Variants in HCN1 observed in about 807,000 individuals in gnomAD.
HCN1 encodes potassium/sodium hyperpolarization-activated cyclic nucleotide-gated channel 1.
HCN1 carries 13 observed loss-of-function variants against 78.9 expected under a neutral mutation model. The ratio of observed to expected loss-of-function variants is 0.16; its 90% CI spans 0.11 to 0.26. The LOEUF is 0.26. Among genes scored for constraint, HCN1 ranks in the 10% least tolerant of loss-of-function variants. The pLI is 1.00. For synonymous variants in HCN1, 552 were observed against 455.5 expected, an observed-to-expected ratio of 1.21 and a Z score of -2.70; for missense variants, 810 against 1,154.3, an observed-to-expected ratio of 0.70 and a Z score of 4.32.
intron 4 of HCN1, among the ~76,000 whole-genome samples, chr5:45,372,036 A>ATATATATTATATATATAATATAATTATAT (rs1747385001): frequency 1.8e-5 from 1 of 57,122 alleles, no homozygotes; most frequent in Non-Finnish European, 2.7e-5. Context: ...ATATAATTAT[A>ATATATATTATATATATAATATAATTATAT]TATATATTAT....
intron 2 of HCN1, among the ~76,000 whole-genome samples, chr5:45,582,454 T>A (rs1250341601): frequency 6.6e-6 from 1 of 152,184 alleles, no homozygotes; most frequent in Non-Finnish European, 1.5e-5. Context: ...TATACAATCA[T>A]GTCATCTGCA....
intron 3 of HCN1, among the ~76,000 whole-genome samples, chr5:45,441,854 G>A (rs750780534): frequency 2.6e-5 from 4 of 152,118 alleles, no homozygotes; most frequent in Non-Finnish European, 5.9e-5. Flanking sequence ...AATTGAAGAA[G>A]ACAGGAGACA....
chr5:45,300,840 T>C (rs1028143639), intron 6 of HCN1, among the ~76,000 whole-genome samples: 2 of 152,140 alleles, frequency 1.3e-5, no homozygotes, highest in Admixed American at 6.6e-5. Context: ...GTTAGATTCA[T>C]AGCTTTTCCT....
chr5:45,657,729 T>G (rs983652132), intron 1 of HCN1, among the ~76,000 whole-genome samples: 2 of 151,976 alleles, frequency 1.3e-5, no homozygotes, highest in South Asian at 2.1e-4. Flanking sequence ...CACTGCTCAA[T>G]GAAATAAAAG....
chr5:45,495,023 TC>T (rs1741993132), intron 2 of HCN1, among the ~76,000 whole-genome samples: 1 of 144,424 alleles, frequency 6.9e-6, no homozygotes, highest in East Asian at 2.0e-4. Flanking sequence ...TAGTTTGAAG[TC>T]AGGTAGTGTG....
intron 4 of HCN1, among the ~76,000 whole-genome samples, chr5:45,376,123 G>T (rs1160996839): frequency 2.1e-5 from 2 of 96,472 alleles, no homozygotes; most frequent in Non-Finnish European, 3.7e-5. Context: ...TATATAATAT[G>T]TTATATAAAA....
intron 2 of HCN1, among the ~76,000 whole-genome samples, chr5:45,484,202 G>A (rs1411203071): frequency 2.0e-5 from 3 of 152,114 alleles, no homozygotes; most frequent in African/African-American, 7.2e-5. Flanking sequence ...GGAGGCTGAG[G>A]CGGGCAGATC....
intron 2 of HCN1, among the ~76,000 whole-genome samples, chr5:45,473,332 C>T (rs140155118): frequency 5.3e-5 from 8 of 151,972 alleles, no homozygotes; most frequent in Admixed American, 2.0e-4. Context: ...TTCTAGATAG[C>T]ATGCATATAT....
chr5:45,319,109 T>G (rs935191601), intron 5 of HCN1, among the ~76,000 whole-genome samples: 1 of 152,030 alleles, frequency 6.6e-6, no homozygotes, highest in Non-Finnish European at 1.5e-5. Context: ...ACATTTGGGT[T>G]GTTACCAGTT....
intron 4 of HCN1, among the ~76,000 whole-genome samples, chr5:45,367,304 T>A (rs1747256828): frequency 6.6e-6 from 1 of 151,834 alleles, no homozygotes; most frequent in Non-Finnish European, 1.5e-5. Flanking sequence ...AAGATCCATA[T>A]TGGTGAATAT....
intron 5 of HCN1, among the ~76,000 whole-genome samples, chr5:45,331,797 CATT>C (rs930989797): frequency 5.3e-5 from 8 of 151,400 alleles, no homozygotes; most frequent in South Asian, 2.1e-4. Context: ...TCAATATCAT[CATT>C]ATCATCATCA....
intron 2 of HCN1, among the ~76,000 whole-genome samples, chr5:45,597,740 T>C (rs1409773229): frequency 6.6e-6 from 1 of 152,114 alleles, no homozygotes; most frequent in African/African-American, 2.4e-5. Context: ...ACAAAATCAG[T>C]GTGCAAAAAC....
intron 5 of HCN1, among the ~76,000 whole-genome samples, chr5:45,313,470 C>T (rs1295925956): frequency 6.6e-6 from 1 of 152,214 alleles, no homozygotes; most frequent in Non-Finnish European, 1.5e-5. Flanking sequence ...CTCTCCTCCT[C>T]CAAAGGAATG....
At chr5:45,675,879 T>C (rs965740611) in intron 1 of HCN1, among the ~76,000 whole-genome samples, 2 of 151,836 alleles carry the variant, frequency 1.3e-5, no homozygotes, top group African/African-American at 4.8e-5. Flanking sequence ...TTTTCTGTTT[T>C]AATATAAGAT....
intron 5 of HCN1, among the ~76,000 whole-genome samples, chr5:45,308,890 T>A (rs1000534333): frequency 2.6e-5 from 4 of 152,088 alleles, no homozygotes; most frequent in African/African-American, 9.7e-5. Flanking sequence ...CAGTTTTTTC[T>A]AGTTCTGTGA....
At chr5:45,315,993 G>A (rs991102181) in intron 5 of HCN1, among the ~76,000 whole-genome samples, 2 of 152,156 alleles carry the variant, frequency 1.3e-5, no homozygotes, top group African/African-American at 4.8e-5. Flanking sequence ...GGTAGAAGGA[G>A]GAGCTGGTAC....
chr5:45,652,404 C>A (rs1745691238), intron 1 of HCN1, among the ~76,000 whole-genome samples: 1 of 151,802 alleles, frequency 6.6e-6, no homozygotes, highest in Non-Finnish European at 1.5e-5. Flanking sequence ...TTTCTCAATT[C>A]TTATCTGACT....
intron 2 of HCN1, among the ~76,000 whole-genome samples, chr5:45,593,799 T>TAG (rs1360184757): frequency 6.6e-6 from 1 of 152,062 alleles, no homozygotes; most frequent in African/African-American, 2.4e-5. Flanking sequence ...CTCAGTCTCC[T>TAG]GAGTAGCTGG....
chr5:45,448,176 C>A (rs936921771), intron 3 of HCN1, among the ~76,000 whole-genome samples: 2 of 152,010 alleles, frequency 1.3e-5, no homozygotes, highest in Non-Finnish European at 2.9e-5. Flanking sequence ...AAAAACAGTT[C>A]TTTCATCATT....
Sources: allele counts gnomAD v4.1 joint callset (sites outside exome capture counted in the v4.1 genomes callset), GRCh38; gene constraint gnomAD v4.1.1; transcripts MANE v1.5; gene names NCBI Gene and HGNC (gene_info 2026-07-23, HGNC 2026-07-21).